LMBRD2: variants seen among roughly 807,000 people sequenced by gnomAD.
LMBRD2 encodes G protein-coupled receptor-associated protein LMBRD2.
Under a neutral mutation model 94.4 loss-of-function variants are expected in LMBRD2, and 55 were observed. The ratio of observed to expected loss-of-function variants is 0.58; its 90% CI spans 0.47 to 0.73. The LOEUF (loss-of-function observed/expected upper bound fraction) is 0.73. LMBRD2 is among the 30% of genes least tolerant of loss of function. LMBRD2 has a pLI of 0.00. For missense variants in LMBRD2, 640 were observed against 831.9 expected (o/e 0.77, Z 2.84); for synonymous variants, 246 against 272.4 (o/e 0.90, Z 0.95).
At position 36,099,803 on chromosome 5, in the gene LMBRD2, G is replaced by C. The variant is rs1381228389; in HGVS notation, c.*4243C>G. ...TCTTTTAGGATATTGATGAGAAGAGGAACATGCCAATATCCTTGCTTTATT... is the reference window on the plus strand; with the variant it reads ...TCTTTTAGGATATTGATGAGAAGAGCAACATGCCAATATCCTTGCTTTATT... On this transcript the variant is annotated 3_prime_UTR_variant, in exon 18 of 18. Transcript: ENST00000296603. 6.6e-6 allele frequency: 1 copy of C among 152,078 alleles called. No homozygotes were observed. The highest frequency in any genetic ancestry group is 1.9e-4 in the East Asian group (1 of 5,192). The allele number at this position is 152,078 out of a possible 1,614,324, so 9.4% of individuals were successfully genotyped here.
rs750098504 is a variant in LMBRD2, at chr5:36,111,247, C to T, written c.1652G>A (p.Arg551His). 1.4e-5 allele frequency: 22 copies of T among 1,609,672 alleles called. No individual in the cohort carries two copies. The highest frequency in any genetic ancestry group is 6.7e-5 in the African/African-American group (5 of 74,788). Reference protein sequence around the residue: ...CIATYFSLGTRCLNLLGFQQF... With the variant: ...CIATYFSLGTHCLNLLGFQQF... ...CTGGAAACCGAGCAGATTCAAACAA[C>T]GGGTTCCCAAACTAATAAAAGCAGA... The change falls in exon 14 of 18, where the codon CGT (arginine) becomes CAT (histidine). Residue 551 changes from arginine (R) to histidine (H), a missense_variant. Coordinates refer to ENST00000296603, the MANE Select transcript of LMBRD2 (RefSeq NM_001007527.2).
chr5:36,104,089 C>T lies in LMBRD2; in HGVS notation c.2045G>A (p.Arg682Gln). The T allele has an allele frequency of 6.8e-6, 11 of 1,610,148 alleles. No homozygotes were observed. Among genetic ancestry groups the T allele is most frequent in the South Asian group, 1.1e-5 (1 of 90,906 alleles). The part of the protein sequence containing the change: ...SESGRYQPGG[R>Q]YLSMSRSDIF... ...GTCACTGCGAGACATCGAGAGATATCGTCCACCAGGCTGATACCTAAAAAG... is the reference window on the plus strand; with the variant it reads ...GTCACTGCGAGACATCGAGAGATATTGTCCACCAGGCTGATACCTAAAAAG... Residue 682 changes from arginine (R) to glutamine (Q), a missense_variant, in exon 18 of 18, where the codon CGA (arginine) becomes CAA (glutamine). Arg to Gln is a conservative substitution (Grantham distance 43, BLOSUM62 1). Around this residue, in one of 2 missense-constraint regions of LMBRD2, gnomAD observed 183 missense variants for 189.1 expected, o/e 0.97. Coordinates refer to ENST00000296603, the MANE Select transcript of LMBRD2 (RefSeq NM_001007527.2).
In LMBRD2 at chr5:36,100,125, A is replaced by G. The variant is rs1363728700; in HGVS notation, c.*3921T>C. 1 of 152,154 alleles carries G rather than the reference A, an allele frequency of 6.6e-6. No individual in the cohort carries two copies. The highest frequency in any genetic ancestry group is 1.5e-5 in the Non-Finnish European group (1 of 68,016). 9.4% of individuals were successfully genotyped at this position (152,154 alleles called of 1,614,324 possible). ...TTAGAAGGCCTTCTGTAACCTTCTT[A>G]TATTGTTTCAACGCTCCTAAGAAAA... On this transcript the variant is annotated 3_prime_UTR_variant, in exon 18 of 18. Transcript: ENST00000296603.
rs1234815416 is a variant in LMBRD2 at position 36,142,527 on chromosome 5, A to T, written c.247T>A (p.Tyr83Asn). 1 of 1,605,508 alleles carries T rather than the reference A, an allele frequency of 6.2e-7. No homozygotes were observed. The highest frequency in any genetic ancestry group is 1.7e-5 in the Admixed American group (1 of 59,964). ...CTTGGAACAGGGTTAGCAGTTGCGT[A>T]CAATCCTGTAATGTTGCTATTCTCA... ...PPENSNITGL[Y>N]ATANPVPSQH... Residue 83 changes from tyrosine (Y) to asparagine (N), a missense_variant, in exon 3 of 18, where the codon TAC becomes AAC. By Grantham distance (143) the Tyr-to-Asn change is moderately radical. Transcript: ENST00000296603.
At position 36,151,073 on chromosome 5, in the gene LMBRD2, G is replaced by C. The variant is rs904841423; in HGVS notation, c.-58+483C>G. ...TAGTATAGTTTGCCCAATGGATTTCGCATGGTCATTGTACCTGGAATATGT... is the reference window on the plus strand; with the variant it reads ...TAGTATAGTTTGCCCAATGGATTTCCCATGGTCATTGTACCTGGAATATGT... On this transcript the variant is annotated intron_variant, in intron 1 of 17. Coordinates refer to ENST00000296603, the MANE Select transcript of LMBRD2 (RefSeq NM_001007527.2). This position sits in a 1 kb window ranked among gnomAD's most constrained non-coding sequence, Gnocchi z 4.7. Among the ~76,000 whole-genome samples, 2 of 151,990 alleles carry C rather than the reference G, an allele frequency of 1.3e-5. No homozygotes were observed. Among genetic ancestry groups the C allele is most frequent in the Admixed American group, 6.6e-5 (1 of 15,256 alleles).
intron 9 of LMBRD2, among the ~76,000 whole-genome samples, chr5:36,120,047 A>T (rs879734728): frequency 8.7e-4 from 116 of 133,966 alleles, no homozygotes; most frequent in Admixed American, 1.2e-3. Context: ...CTTTTCTTTC[A>T]TCTCTCTCTC....
chr5:36,126,773 T>C (rs1357481288), intron 6 of LMBRD2, among the ~76,000 whole-genome samples: 1 of 151,828 alleles, frequency 6.6e-6, no homozygotes, highest in Non-Finnish European at 1.5e-5. Flanking sequence ...TAAAACTACA[T>C]TTGGGAGATT....
intron 6 of LMBRD2, among the ~76,000 whole-genome samples, chr5:36,124,916 C>A (rs1321389579): frequency 2.0e-5 from 3 of 151,558 alleles, no homozygotes; most frequent in Non-Finnish European, 4.4e-5. Flanking sequence ...AGTCTCATAA[C>A]CTGGTCTCTA....
At position 36,099,488 on chromosome 5, in the gene LMBRD2, T is replaced by C. The variant is rs1393988158; in HGVS notation, c.*4558A>G. ...ACAGTCTCTCCCCTACAACTTGGTA[T>C]GCTAAGTACGGAAGATGCTTGCCAG... On this transcript the variant is annotated 3_prime_UTR_variant, in exon 18 of 18. Coordinates refer to ENST00000296603, the MANE Select transcript of LMBRD2 (RefSeq NM_001007527.2). 6.6e-6 allele frequency: 1 copy of C among 152,168 alleles called. No individual in the cohort carries two copies. Among genetic ancestry groups the C allele is most frequent in the Non-Finnish European group, 1.5e-5 (1 of 68,008 alleles). The allele number at this position is 152,168 out of a possible 1,614,324, so 9.4% of individuals were successfully genotyped here. A position where few individuals can be genotyped will look rare whatever the true frequency, so the allele number is the denominator to read the frequency against.
chr5:36,119,063 G>A (rs894775471), intron 9 of LMBRD2, among the ~76,000 whole-genome samples: 3 of 152,126 alleles, frequency 2.0e-5, no homozygotes, highest in Non-Finnish European at 4.4e-5. Context: ...AAATTAAAAA[G>A]CTATATTTTT....
Position 36,099,892 on chromosome 5 carries a change from AG to A in LMBRD2, c.*4153del, listed in dbSNP as rs1743312206. On this transcript the variant is annotated 3_prime_UTR_variant, in exon 18 of 18. Transcript: ENST00000296603. ...CAATGGACCAATGGCTTGGTACAGA[AG>A]GAATCAGAGGCGAGGACATGTTCCT... 6.6e-6 allele frequency: 1 copy of A among 152,138 alleles called. No homozygotes were observed. Among genetic ancestry groups the A allele is most frequent in the Admixed American group, 6.6e-5 (1 of 15,250 alleles). The allele number at this position is 152,138 out of a possible 1,614,324, so 9.4% of individuals were successfully genotyped here.
intron 6 of LMBRD2, among the ~76,000 whole-genome samples, chr5:36,133,594 A>G (rs1463741971): frequency 6.6e-6 from 1 of 152,166 alleles, no homozygotes; most frequent in African/African-American, 2.4e-5. Flanking sequence ...AAAGAAATTC[A>G]TACCTGAGAA....
At chr5:36,147,329 G>A (rs1031632124) in intron 1 of LMBRD2, among the ~76,000 whole-genome samples, 12 of 152,098 alleles carry the variant, frequency 7.9e-5, no homozygotes, top group Admixed American at 5.2e-4. Context: ...TGAGTTGCAA[G>A]GTTTAGGGAA....
In LMBRD2 at chr5:36,104,690, G is replaced by C. The variant is rs142519302; in HGVS notation, c.2027+378C>G. Among the ~76,000 whole-genome samples the C allele has an allele frequency of 1.2e-3, 184 of 151,964 alleles. 6 individuals carry two copies. The East Asian group carries it at 0.03, about 25-fold the overall frequency. ...GCTAAAGGACTTAGAATAGTGTCTG[G>C]CATCTAGACACTGCTATGCAGCAGT... is the stretch of plus-strand genomic sequence containing the variant. On this transcript the variant is annotated intron_variant, in intron 17 of 17. Transcript: ENST00000296603.
At chr5:36,120,628 C>T (rs1230357627) in intron 9 of LMBRD2, among the ~76,000 whole-genome samples, 1 of 152,134 alleles carries the variant, frequency 6.6e-6, no homozygotes, top group African/African-American at 2.4e-5. Context: ...AATCCTCTTT[C>T]AGCTACTACC....
chr5:36,139,738 G>A (rs965633296), intron 4 of LMBRD2, among the ~76,000 whole-genome samples: 1 of 152,178 alleles, frequency 6.6e-6, no homozygotes, highest in Non-Finnish European at 1.5e-5. Flanking sequence ...GCAGATAGGA[G>A]CTACCCACTC....
At chr5:36,114,918 T>C (rs1302354370) in intron 12 of LMBRD2, 97 bp downstream of exon 12, 1 of 781,274 alleles carries the variant, frequency 1.3e-6, no homozygotes. Flanking sequence ...CCAATAACAC[T>C]ATAGAACTTT....
intron 2 of LMBRD2, among the ~76,000 whole-genome samples, chr5:36,142,933 G>T (rs1393976010): frequency 6.6e-6 from 1 of 151,780 alleles, no homozygotes; most frequent in African/African-American, 2.4e-5. Context: ...CACCGTGTTA[G>T]CCAGGATAGT....
intron 16 of LMBRD2, among the ~76,000 whole-genome samples, chr5:36,106,920 A>G (rs995310616): frequency 6.6e-6 from 1 of 152,118 alleles, no homozygotes; most frequent in African/African-American, 2.4e-5. Context: ...AGGTTCTCTC[A>G]TGCCACAACG....
Sources: allele counts gnomAD v4.1 joint callset (sites outside exome capture counted in the v4.1 genomes callset), GRCh38; gene constraint gnomAD v4.1.1; regional missense constraint gnomAD v4.1.1; non-coding constraint Gnocchi (gnomAD v3.1); transcripts MANE v1.5; gene names NCBI Gene and HGNC (gene_info 2026-07-23, HGNC 2026-07-21).